Variants in DGKH observed in about 807,000 individuals in gnomAD.
The protein encoded by DGKH is diacylglycerol kinase eta.
In DGKH, 90 loss-of-function variants were observed where a neutral mutation model predicts 159.3. The ratio of observed to expected loss-of-function variants is 0.57; its 90% CI spans 0.48 to 0.67. The LOEUF (loss-of-function observed/expected upper bound fraction) is 0.67, where lower values mean the gene tolerates loss of function less well. Among genes scored for constraint, DGKH ranks in the 30% least tolerant of loss-of-function variants. DGKH has a pLI of 0.00. For missense variants in DGKH, 1,181 were observed against 1,506.1 expected, an observed-to-expected ratio of 0.78 and a Z score of 3.57; for synonymous variants, 536 against 553.8, an observed-to-expected ratio of 0.97 and a Z score of 0.45.
chr13:42,101,200 C>A (rs1175768367), intron 1 of DGKH, among the ~76,000 whole-genome samples: 1 of 152,198 alleles, frequency 6.6e-6, no homozygotes, highest in Non-Finnish European at 1.5e-5. Flanking sequence ...ATGTTATTTC[C>A]CCAGCCCAGA....
chr13:42,227,691 ATATT>A (rs1168545109), intron 29 of DGKH, among the ~76,000 whole-genome samples: 1 of 152,210 alleles, frequency 6.6e-6, no homozygotes, highest in African/African-American at 2.4e-5. Context: ...AGTCAGTTAA[ATATT>A]TATGAAATAT....
chr13:42,046,924 G>A (rs1247657783), upstream of DGKH, among the ~76,000 whole-genome samples: 1 of 152,214 alleles, frequency 6.6e-6, no homozygotes, highest in Non-Finnish European at 1.5e-5. Flanking sequence ...TTTACTAGGT[G>A]TCCTTGTCTA....
intron 1 of DGKH, among the ~76,000 whole-genome samples, chr13:42,051,145 C>T (rs7992851): frequency 0.013 from 1,948 of 152,266 alleles, 46 homozygotes; most frequent in African/African-American, 0.044. Flanking sequence ...ATCTGACTTT[C>T]TAATAAAAAC....
intron 11 of DGKH, among the ~76,000 whole-genome samples, chr13:42,169,290 A>G (rs570242190): frequency 6.6e-6 from 1 of 152,178 alleles, no homozygotes; most frequent in Non-Finnish European, 1.5e-5. Flanking sequence ...TCCAATAAGA[A>G]CTAGATATGT....
At chr13:42,111,601 T>G (rs1954864123) in intron 1 of DGKH, among the ~76,000 whole-genome samples, 1 of 152,184 alleles carries the variant, frequency 6.6e-6, no homozygotes, top group Non-Finnish European at 1.5e-5. Context: ...TTGGATAATC[T>G]TCATTATTTT....
At chr13:42,243,328 T>C (rs1159907265), downstream of DGKH, among the ~76,000 whole-genome samples, 1 of 152,236 alleles carries the variant, frequency 6.6e-6, no homozygotes, top group Non-Finnish European at 1.5e-5. Flanking sequence ...TGTGTATTGA[T>C]AGTTCATTTC....
chr13:42,246,647 C>T (rs563088359), downstream of DGKH, among the ~76,000 whole-genome samples: 12 of 152,080 alleles, frequency 7.9e-5, no homozygotes, highest in African/African-American at 2.4e-4. Flanking sequence ...CTTAGAGGAG[C>T]GATACTGACT....
chr13:42,087,105 A>C (rs60815570), intron 1 of DGKH, among the ~76,000 whole-genome samples: 26,182 of 142,856 alleles, frequency 0.18, 2,382 homozygotes, highest in Non-Finnish European at 0.2. Flanking sequence ...AGTAGGCACA[A>C]CAATCCTTGA....
intron 3 of DGKH, among the ~76,000 whole-genome samples, chr13:42,152,000 A>T (rs1955917650): frequency 1.3e-5 from 2 of 152,122 alleles, no homozygotes. Flanking sequence ...ATGGTGTCTC[A>T]TTGTGGTTTT....
chr13:42,138,029 A>G lies in DGKH; in HGVS notation c.384+8397A>G, dbSNP rs144025282. The G allele has an allele frequency of 2.6e-4, 244 of 947,990 alleles. 1 individual carries two copies. In the African/African-American group the frequency reaches 3.0e-3, roughly 12 times the overall value. 58.7% of individuals were successfully genotyped at this position (947,990 alleles called of 1,614,324 possible). A position where few individuals can be genotyped will look rare whatever the true frequency, so the allele number is the denominator to read the frequency against. On this transcript the variant is annotated intron_variant, in intron 3 of 29. Transcript: ENST00000337343. The stretch of plus-strand genomic sequence containing the variant: ...TGATAGAACAGGCCCCTTGTGAGGT[A>G]ATAGCTCTTCCCATTATTAGAAATC...
chr13:42,070,225 G>A, intron 1 of DGKH: 1 of 1,082,386 alleles, frequency 9.2e-7, no homozygotes, highest in Non-Finnish European at 1.4e-6. Context: ...GAAATTCAGT[G>A]CTTCGCGACT....
chr13:42,151,363 C>A (rs1162961546), intron 3 of DGKH, among the ~76,000 whole-genome samples: 2 of 151,534 alleles, frequency 1.3e-5, no homozygotes, highest in Non-Finnish European at 2.9e-5. Context: ...TAAGTGAGAA[C>A]ATGTGGTACT....
intron 1 of DGKH, among the ~76,000 whole-genome samples, chr13:42,055,094 A>G (rs890800327): frequency 6.6e-6 from 1 of 152,212 alleles, no homozygotes; most frequent in Non-Finnish European, 1.5e-5. Flanking sequence ...CTCGTCGACT[A>G]TATAAAATCA....
chr13:42,056,724 G>T (rs1026803071), intron 1 of DGKH, among the ~76,000 whole-genome samples: 1 of 152,110 alleles, frequency 6.6e-6, no homozygotes, highest in Non-Finnish European at 1.5e-5. Flanking sequence ...TAGCTTCTTG[G>T]GCAGTGAAAC....
At chr13:42,044,116 C>G (rs1880671228), upstream of DGKH, 1 of 152,446 alleles carries the variant, frequency 6.6e-6, no homozygotes, top group Middle Eastern at 3.4e-3. Context: ...CCTCAGCCTC[C>G]TAACGTGCTG....
chr13:42,058,913 T>C (rs767794561), intron 1 of DGKH, among the ~76,000 whole-genome samples: 37 of 152,160 alleles, frequency 2.4e-4, no homozygotes, highest in Non-Finnish European at 7.3e-5. Flanking sequence ...ATTAGCCACA[T>C]TGGATTTTGA....
At chr13:42,070,418 A>C in intron 1 of DGKH, 1 of 1,351,902 alleles carries the variant, frequency 7.4e-7, no homozygotes, top group South Asian at 1.2e-5. Flanking sequence ...CAAAACAGTC[A>C]GCATTTCAGC....
In DGKH at chr13:42,176,256, A is replaced by G. The variant is rs550687451; in HGVS notation, c.1453-1879A>G. On this transcript the variant is annotated intron_variant, in intron 12 of 29. Transcript: ENST00000337343. ...TCAACTGGCATTAATGAATTTATTA[A>G]TAGCATTAATGATCATGTAAAATAT... Among the ~76,000 whole-genome samples, 10 of 152,358 alleles carry G rather than the reference A, an allele frequency of 6.6e-5. No individual in the cohort carries two copies. The East Asian group carries it at 1.7e-3, about 26-fold the overall frequency.
chr13:42,147,928 A>G (rs1886811), intron 3 of DGKH, among the ~76,000 whole-genome samples: 55,293 of 152,064 alleles, frequency 0.36, 10,979 homozygotes, highest in South Asian at 0.45. Flanking sequence ...CAGCACTTTC[A>G]CATTTCCTTT....
Sources: gnomAD v4.1 joint callset for allele counts (sites outside exome capture counted in the v4.1 genomes callset) on GRCh38, gnomAD v4.1.1 for gene constraint, MANE v1.5 for transcripts, NCBI Gene and HGNC (gene_info 2026-07-23, HGNC 2026-07-21) for gene names.